TNFAIP3: variants seen among roughly 807,000 people sequenced by gnomAD.
TNFAIP3 encodes the protein tumor necrosis factor alpha-induced protein 3.
Under a neutral mutation model 72.4 loss-of-function variants are expected in TNFAIP3, and 9 were observed. The ratio of observed to expected loss-of-function variants is 0.12; its 90% CI spans 0.07 to 0.22. TNFAIP3 has a LOEUF of 0.22. TNFAIP3 is among the 10% of genes least tolerant of loss of function. The probability of loss-of-function intolerance (pLI) is 1.00; values close to 1 mark genes in which losing one functional copy is unlikely to be tolerated. For synonymous variants in TNFAIP3, 339 were observed against 372.6 expected (o/e 0.91, Z 1.04); for missense variants, 833 against 1,018.7 (o/e 0.82, Z 2.48).
intron 6 of TNFAIP3, 116 bp from the exon 7 acceptor site, chr6:137,878,316 T>C (rs1441835318): frequency 1.1e-6 from 1 of 898,948 alleles, no homozygotes; most frequent in Non-Finnish European, 1.7e-6. Flanking sequence ...CAGTGAATGG[T>C]TCTACAATTC....
intron 2 of TNFAIP3, among the ~76,000 whole-genome samples, chr6:137,874,518 A>G (rs1334443435): frequency 6.6e-6 from 1 of 152,198 alleles, no homozygotes; most frequent in African/African-American, 2.4e-5. Flanking sequence ...CCCTCATTTC[A>G]CAAGAGGAAA....
At chr6:137,875,133 A>G (rs1455141711) in intron 3 of TNFAIP3, 98 bp downstream of exon 3, 7 of 1,397,994 alleles carry the variant, frequency 5.0e-6, no homozygotes, top group Non-Finnish European at 6.0e-6. Flanking sequence ...CTGATGGACT[A>G]GGTCACATGA....
Position 137,867,586 on chromosome 6 carries a change from C to CA in TNFAIP3, c.-16+45dup, listed in dbSNP as rs955078694. The CA allele has an allele frequency of 6.6e-6, 1 of 152,568 alleles. No homozygotes were observed. Among genetic ancestry groups the CA allele is most frequent in the African/African-American group, 2.4e-5 (1 of 41,460 alleles). 9.5% of individuals were successfully genotyped at this position (152,568 alleles called of 1,614,324 possible). On this transcript the variant is annotated intron_variant, in intron 1 of 8. Coordinates refer to ENST00000612899, the MANE Select transcript of TNFAIP3 (RefSeq NM_001270508.2). This position sits in a 1 kb window ranked among gnomAD's most constrained non-coding sequence, Gnocchi z 6.0. ...CGTGCCGTCTGCCTCGGGCTCACCG[C>CA]AGTCAAGGGCTGCGGGTGCATGTTG...
rs1001914274 is a variant in TNFAIP3, at chr6:137,882,144, T to A, written c.*825T>A. 6.5e-5 allele frequency: 15 copies of A among 231,454 alleles called. No homozygotes were observed. The highest frequency in any genetic ancestry group is 1.1e-4 in the African/African-American group (5 of 45,256). The allele number at this position is 231,454 out of a possible 1,614,324, so 14.3% of individuals were successfully genotyped here. ...TTACATTATGTATGAGGGATTTTTTTAAATTATATTGAAATGCTGCCCTAG... is the reference window on the plus strand; with the variant it reads ...TTACATTATGTATGAGGGATTTTTTAAAATTATATTGAAATGCTGCCCTAG... On this transcript the variant is annotated 3_prime_UTR_variant, in exon 9 of 9. Coordinates refer to ENST00000612899, the MANE Select transcript of TNFAIP3 (RefSeq NM_001270508.2).
intron 7 of TNFAIP3, 55 bp downstream of exon 7, chr6:137,879,406 G>C: frequency 6.5e-7 from 1 of 1,538,164 alleles, no homozygotes; most frequent in South Asian, 1.3e-5. Context: ...AAGGGGTTTT[G>C]TTCCTGACCT....
chr6:137,877,705 C>T (rs1223121263), intron 6 of TNFAIP3, among the ~76,000 whole-genome samples: 1 of 152,214 alleles, frequency 6.6e-6, no homozygotes, highest in Non-Finnish European at 1.5e-5. Flanking sequence ...TATGTTGCAG[C>T]TCATGATTCT....
In TNFAIP3 at chr6:137,871,522, G is replaced by A. The variant is rs765940525; in HGVS notation, c.295G>A (p.Gly99Ser). 9.3e-6 allele frequency: 15 copies of A among 1,613,598 alleles called. No individual in the cohort carries two copies. The highest frequency in any genetic ancestry group is 2.2e-5 in the East Asian group (1 of 44,896). Residue 99 changes from glycine (G) to serine (S), a missense_variant and splice_region_variant, in exon 2 of 9, where the codon GGT becomes AGT. Physicochemically the swap from Gly to Ser is moderately conservative, Grantham distance 56. Around this residue, in one of 2 missense-constraint regions of TNFAIP3, gnomAD observed 246 missense variants for 360.9 expected, o/e 0.68. Coordinates refer to ENST00000612899, the MANE Select transcript of TNFAIP3 (RefSeq NM_001270508.2). This position sits in a 1 kb window ranked among gnomAD's most constrained non-coding sequence, Gnocchi z 4.2. ...VRKLVALKTN[G>S]DGNCLMHATS... ...GAAGCTTGTGGCGCTGAAAACGAAC[G>A]GTAAGACTTGTTCTGTTGTGTTTCT...
At chr6:137,877,426 G>T (rs1172975644) in intron 6 of TNFAIP3, among the ~76,000 whole-genome samples, 170 bp downstream of exon 6, 1 of 152,156 alleles carries the variant, frequency 6.6e-6, no homozygotes, top group East Asian at 1.9e-4. Flanking sequence ...ATTATGTAAG[G>T]CAGTACTAAC....
chr6:137,881,368 C>T lies in TNFAIP3; in HGVS notation c.*49C>T. The T allele has an allele frequency of 6.7e-7, 1 of 1,494,940 alleles. No homozygotes were observed. Among genetic ancestry groups the T allele is most frequent in the Non-Finnish European group, 9.0e-7 (1 of 1,111,292 alleles). 92.6% of individuals were successfully genotyped at this position (1,494,940 alleles called of 1,614,324 possible). A position where few individuals can be genotyped will look rare whatever the true frequency, so the allele number is the denominator to read the frequency against. The stretch of plus-strand genomic sequence containing the variant: ...TGCAAGAAGTGGGGCCTCGAGCTGT[C>T]AGTCATCATGGTGCTATCCTCTGAA... On this transcript the variant is annotated 3_prime_UTR_variant, in exon 9 of 9. Transcript: ENST00000612899. This position sits in a 1 kb window ranked among gnomAD's most constrained non-coding sequence, Gnocchi z 5.0.
chr6:137,877,941 C>T (rs947530661), intron 6 of TNFAIP3, among the ~76,000 whole-genome samples: 9 of 152,358 alleles, frequency 5.9e-5, no homozygotes, highest in African/African-American at 2.2e-4. Context: ...CTTAGTTACT[C>T]ATGGCTGCTA....
chr6:137,874,785 G>C, intron 2 of TNFAIP3, 60 bp from the exon 3 acceptor site: 1 of 1,548,032 alleles, frequency 6.5e-7, no homozygotes, highest in African/African-American at 1.4e-5. Flanking sequence ...GAAAACCTTT[G>C]CTGGGTCTTA....
chr6:137,875,665 T>C (rs1388777942), intron 3 of TNFAIP3, 23 bp from the exon 4 acceptor site: 1 of 1,613,676 alleles, frequency 6.2e-7, no homozygotes, highest in Admixed American at 1.7e-5. Flanking sequence ...ATTCAAGCTT[T>C]TTTTTCACCC....
rs1250032281 is a variant in TNFAIP3, at chr6:137,881,451, T to C, written c.*132T>C. 2 of 830,264 alleles carry C rather than the reference T, an allele frequency of 2.4e-6. No homozygotes were observed. Among genetic ancestry groups the C allele is most frequent in the Non-Finnish European group, 1.8e-6 (1 of 552,410 alleles). 51.4% of individuals were successfully genotyped at this position (830,264 alleles called of 1,614,324 possible). On this transcript the variant is annotated 3_prime_UTR_variant, in exon 9 of 9. Transcript: ENST00000612899. This position sits in a 1 kb window ranked among gnomAD's most constrained non-coding sequence, Gnocchi z 5.0. ...GGGTGTCTGAGCAGGAGAGGAAAGA[T>C]AAGCTCTTCGTGGTGCCCACGATGC...
Position 137,879,438 on chromosome 6 carries a change from G to GGCAGTCAGGCAGAACTGTCAGGACCT in TNFAIP3, c.1906+88_1906+113dup. The stretch of plus-strand genomic sequence containing the variant: ...ACCTTTAAGAAAAAAAGCCCATGTA[G>GGCAGTCAGGCAGAACTGTCAGGACCT]GCAGTCAGGCAGAACTGTCAGGACC... On this transcript the variant is annotated intron_variant, in intron 7 of 8. Coordinates refer to ENST00000612899, the MANE Select transcript of TNFAIP3 (RefSeq NM_001270508.2). 4 of 1,431,192 alleles carry GGCAGTCAGGCAGAACTGTCAGGACCT rather than the reference G, an allele frequency of 2.8e-6. No individual in the cohort carries two copies. In the South Asian group the frequency reaches 5.6e-5, roughly 20 times the overall value. The allele number at this position is 1,431,192 out of a possible 1,614,324, so 88.7% of individuals were successfully genotyped here.
chr6:137,869,143 T>C (rs1383076873), intron 1 of TNFAIP3, among the ~76,000 whole-genome samples: 1 of 152,232 alleles, frequency 6.6e-6, no homozygotes, highest in Non-Finnish European at 1.5e-5. Context: ...AGGCAAAACT[T>C]TGCCCCTGAA....
intron 5 of TNFAIP3, 179 bp downstream of exon 5, chr6:137,876,345 C>A (rs1776247357): frequency 1.7e-6 from 1 of 589,292 alleles, no homozygotes; most frequent in South Asian, 2.3e-5. Flanking sequence ...ACCCTCATAT[C>A]TTTTTGAATA....
chr6:137,877,358 T>C, intron 6 of TNFAIP3, 102 bp downstream of exon 6: 1 of 1,057,162 alleles, frequency 9.5e-7, no homozygotes, highest in Non-Finnish European at 1.3e-6. Context: ...TAGAGTGATT[T>C]GCGGCCAGTT....
intron 2 of TNFAIP3, among the ~76,000 whole-genome samples, chr6:137,872,423 G>A (rs1776092318): frequency 6.6e-6 from 1 of 152,172 alleles, no homozygotes; most frequent in African/African-American, 2.4e-5. Flanking sequence ...CCTTATATCT[G>A]TGACAGTCCC....
At position 137,875,811 on chromosome 6, in the gene TNFAIP3, A is replaced by G. The variant is rs1304472508; in HGVS notation, c.610A>G (p.Arg204Gly). 1 of 1,614,218 alleles carries G rather than the reference A, an allele frequency of 6.2e-7. No individual in the cohort carries two copies. The highest frequency in any genetic ancestry group is 1.7e-5 in the Admixed American group (1 of 60,024). Residue 204 changes from arginine (R) to glycine (G), a missense_variant, in exon 4 of 9, where the codon AGA (arginine) becomes GGA (glycine). Coordinates refer to ENST00000612899, the MANE Select transcript of TNFAIP3 (RefSeq NM_001270508.2). ...IHIFVLCNIL[R>G]RPIIVISDKM... ...CATATTTGTCCTTTGCAACATCCTC[A>G]GAAGGCCAATCATTGTCATTTCAGG...
Sources: allele counts gnomAD v4.1 joint callset (sites outside exome capture counted in the v4.1 genomes callset), GRCh38; gene constraint gnomAD v4.1.1; regional missense constraint gnomAD v4.1.1; non-coding constraint Gnocchi (gnomAD v3.1); transcripts MANE v1.5; gene names NCBI Gene and HGNC (gene_info 2026-07-23, HGNC 2026-07-21).